PLA2G2E: variants seen among roughly 807,000 people sequenced by gnomAD.
PLA2G2E encodes group IIE secretory phospholipase A2.
Under a neutral mutation model 16.5 loss-of-function variants are expected in PLA2G2E, and 14 were observed. The ratio of observed to expected loss-of-function variants is 0.85; its 90% CI spans 0.56 to 1.33. PLA2G2E has a LOEUF of 1.33. Ranked by LOEUF, PLA2G2E falls within the 40% of genes most tolerant of loss-of-function variation. PLA2G2E has a pLI of 0.00. For missense variants in PLA2G2E, 174 were observed against 190.7 expected (o/e 0.91, Z 0.52); for synonymous variants, 72 against 77.2 (o/e 0.93, Z 0.36).
chr1:19,922,646 G>T lies in PLA2G2E; in HGVS notation c.150C>A (p.Gly50=), dbSNP rs1202542590. 1.9e-6 allele frequency: 3 copies of T among 1,614,052 alleles called. No homozygotes were observed. Among genetic ancestry groups the T allele is most frequent in the Non-Finnish European group, 1.7e-6 (2 of 1,179,986 alleles). ...NDYGCYCGIG[G]SHWPVDQTDW... is the part of the protein sequence containing the mutation. ...CAGTCTGGTCCACCGGCCAGTGGGA[G>T]CCACCGATGCCGCAGTAACAGCCAT... Residue 50 remains glycine (G), a synonymous_variant, in exon 2 of 4, where the codon GGC becomes GGA. Transcript: ENST00000375116.
intron 1 of PLA2G2E, 76 bp from the exon 2 acceptor site, chr1:19,922,831 T>G: frequency 1.3e-6 from 2 of 1,549,050 alleles, no homozygotes; most frequent in Non-Finnish European, 1.8e-6. Flanking sequence ...TCCCCTCAAA[T>G]CTGATCACAG....
At chr1:19,923,452 C>T (rs2045835064) in intron 1 of PLA2G2E, 68 bp downstream of exon 1, 10 of 1,368,258 alleles carry the variant, frequency 7.3e-6, no homozygotes, top group African/African-American at 2.9e-5. Flanking sequence ...GGGCCAGGCT[C>T]AGGGGCATCC....
chr1:19,921,700 C>T (rs1383650386), intron 3 of PLA2G2E, among the ~76,000 whole-genome samples: 3 of 152,242 alleles, frequency 2.0e-5, no homozygotes, highest in Non-Finnish European at 2.9e-5. Context: ...TCAGGCTGCT[C>T]CTGGCTTTGT....
Position 19,922,832 on chromosome 1 carries a change from C to A in PLA2G2E, c.41-77G>T, listed in dbSNP as rs2045827352. ...AACTTCCCCTGATGTCCCCTCAAAT[C>A]TGATCACAGGCATCTCTCCAGTTGT... is the stretch of plus-strand genomic sequence containing the variant. On this transcript the variant is annotated intron_variant, in intron 1 of 3. Coordinates refer to ENST00000375116, the MANE Select transcript of PLA2G2E (RefSeq NM_014589.3). 2.6e-6 allele frequency: 4 copies of A among 1,543,162 alleles called. No homozygotes were observed. The Middle Eastern group carries it at 6.9e-4, about 265-fold the overall frequency.
intron 1 of PLA2G2E, 130 bp downstream of exon 1, chr1:19,923,390 G>C (rs1557689023): frequency 1.0e-5 from 8 of 776,250 alleles, no homozygotes; most frequent in Non-Finnish European, 1.2e-5. Context: ...GGTCACCCTG[G>C]TGGCAGGAAG....
Position 19,923,497 on chromosome 1 carries a change from T to C in PLA2G2E, c.40+23A>G, listed in dbSNP as rs113386044. Reference sequence around the variant, plus strand: ...GGGGTTGCCAGATGGGGCAGAAGGCTGAAGGTCACAAAGATCACTTACCCA... The same window carrying C: ...GGGGTTGCCAGATGGGGCAGAAGGCCGAAGGTCACAAAGATCACTTACCCA... On this transcript the variant is annotated intron_variant, in intron 1 of 3. Coordinates refer to ENST00000375116, the MANE Select transcript of PLA2G2E (RefSeq NM_014589.3). 421 of 1,544,814 alleles carry C rather than the reference T, an allele frequency of 2.7e-4. 2 individuals are homozygous for C. In the African/African-American group the frequency reaches 4.8e-3, roughly 18 times the overall value.
In PLA2G2E at chr1:19,922,737, T is replaced by C. The variant is rs1397149890; in HGVS notation, c.59A>G (p.Asn20Ser). Residue 20 changes from asparagine to serine, a missense_variant, in exon 2 of 4, where the codon AAC becomes AGC. Coordinates refer to ENST00000375116, the MANE Select transcript of PLA2G2E (RefSeq NM_014589.3). ...GATCATCACCCCAAACTGAACCAGG[T>C]TCCCGGTGACCAGAGCCACTGCAGA... ...LCLLVALVTG[N>S]LVQFGVMIEK... is the part of the protein sequence containing the mutation. The C allele has an allele frequency of 6.2e-7, 1 of 1,613,534 alleles. No homozygotes were observed. Among genetic ancestry groups the C allele is most frequent in the Admixed American group, 1.7e-5 (1 of 59,980 alleles).
At chr1:19,922,013 A>G (rs775497874) in intron 3 of PLA2G2E, among the ~76,000 whole-genome samples, 13 of 152,046 alleles carry the variant, frequency 8.6e-5, no homozygotes, top group Non-Finnish European at 1.8e-4. Flanking sequence ...CTCAGCTCAG[A>G]CCCCTCTGCT....
In PLA2G2E at chr1:19,922,769, G is replaced by C; in HGVS notation, c.41-14C>G. 1.2e-6 allele frequency: 2 copies of C among 1,612,614 alleles called. No homozygotes were observed. The highest frequency in any genetic ancestry group is 1.7e-6 in the Non-Finnish European group (2 of 1,179,570). On this transcript the variant is annotated splice_polypyrimidine_tract_variant and intron_variant, in intron 1 of 3. Coordinates refer to ENST00000375116, the MANE Select transcript of PLA2G2E (RefSeq NM_014589.3). Reference sequence around the variant, plus strand: ...TGACCAGAGCCACTGCAGAGAGGGAGAGGGAGAGGGAGAGGGAGGGCCCCA... The same window carrying C: ...TGACCAGAGCCACTGCAGAGAGGGACAGGGAGAGGGAGAGGGAGGGCCCCA...
rs886992139 is a variant in PLA2G2E at position 19,923,538 on chromosome 1, C to T, written c.22G>A (p.Val8Met). Residue 8 changes from valine (V) to methionine (M), a missense_variant, in exon 1 of 4, where the codon GTG becomes ATG. Val to Met is a conservative substitution (Grantham distance 21, BLOSUM62 1). Transcript: ENST00000375116. Reference sequence around the variant, plus strand: ...CACTTACCCAGGAGGCAAAGGAACACCAGCACGTGGGGAGATTTCATCCCA... The same window carrying T: ...CACTTACCCAGGAGGCAAAGGAACATCAGCACGTGGGGAGATTTCATCCCA... MKSPHVL[V>M]FLCLLVALVT... is the part of the protein sequence containing the mutation. 1.3e-6 allele frequency: 2 copies of T among 1,550,634 alleles called. No homozygotes were observed. Among genetic ancestry groups the T allele is most frequent in the South Asian group, 2.4e-5 (2 of 83,520 alleles).
chr1:19,920,380 T>C lies in PLA2G2E; in HGVS notation c.356A>G (p.Asn119Ser). 2 of 1,613,846 alleles carry C rather than the reference T, an allele frequency of 1.2e-6. No individual in the cohort carries two copies. The highest frequency in any genetic ancestry group is 4.5e-5 in the East Asian group (2 of 44,878). Residue 119 changes from asparagine (N) to serine (S), a missense_variant, in exon 4 of 4, where the codon AAC (asparagine) becomes AGC (serine). Coordinates refer to ENST00000375116, the MANE Select transcript of PLA2G2E (RefSeq NM_014589.3). This position sits in a 1 kb window ranked among gnomAD's most constrained non-coding sequence, Gnocchi z 4.3. ...ATATTTGCGGTTGTAGGTGCCCAGG[T>C]TGCGGCGAAAGCAGAGGGCAGCCCT... is the stretch of plus-strand genomic sequence containing the variant. The part of the protein sequence containing the change: ...DKRAALCFRR[N>S]LGTYNRKYAH...
rs1483064444 is a variant in PLA2G2E at position 19,922,651 on chromosome 1, C to T, written c.145G>A (p.Gly49Ser). 1.9e-5 allele frequency: 31 copies of T among 1,613,914 alleles called. No homozygotes were observed. The highest frequency in any genetic ancestry group is 3.3e-4 in the Middle Eastern group (2 of 6,080). ...YNDYGCYCGI[G>S]GSHWPVDQTD... ...TGGTCCACCGGCCAGTGGGAGCCAC[C>T]GATGCCGCAGTAACAGCCATAGTCG... Residue 49 changes from glycine to serine, a missense_variant, in exon 2 of 4, where the codon GGT becomes AGT. By Grantham distance (56) the Gly-to-Ser change is moderately conservative. Transcript: ENST00000375116.
Position 19,922,602 on chromosome 1 carries a change from A to G in PLA2G2E, c.179+15T>C, listed in dbSNP as rs746497790. The G allele has an allele frequency of 1.2e-6, 2 of 1,613,562 alleles. No homozygotes were observed. The highest frequency in any genetic ancestry group is 2.2e-5 in the East Asian group (1 of 44,860). On this transcript the variant is annotated intron_variant, in intron 2 of 3. Coordinates refer to ENST00000375116, the MANE Select transcript of PLA2G2E (RefSeq NM_014589.3). ...TCCATCCCCATGGAGGTCCCCCTGC[A>G]GGCTGCTTCCTCACCAGTCAGTCTG...
chr1:19,920,102 T>C lies in PLA2G2E; in HGVS notation c.*205A>G. 1 of 560,330 alleles carries C rather than the reference T, an allele frequency of 1.8e-6. No homozygotes were observed. The highest frequency in any genetic ancestry group is 3.2e-6 in the Non-Finnish European group (1 of 316,752). The allele number at this position is 560,330 out of a possible 1,614,324, so 34.7% of individuals were successfully genotyped here. A position where few individuals can be genotyped will look rare whatever the true frequency, so the allele number is the denominator to read the frequency against. Reference sequence around the variant, plus strand: ...TGGGTGCTGAAGGGTCCATGGCTCCTGGGGCAGGGTTCTTTCTACAGAGAA... The same window carrying C: ...TGGGTGCTGAAGGGTCCATGGCTCCCGGGGCAGGGTTCTTTCTACAGAGAA... On this transcript the variant is annotated 3_prime_UTR_variant, in exon 4 of 4. Coordinates refer to ENST00000375116, the MANE Select transcript of PLA2G2E (RefSeq NM_014589.3). This position sits in a 1 kb window ranked among gnomAD's most constrained non-coding sequence, Gnocchi z 4.3.
At chr1:19,923,442 G>C in intron 1 of PLA2G2E, 78 bp downstream of exon 1, 2 of 1,266,794 alleles carry the variant, frequency 1.6e-6, no homozygotes, top group Non-Finnish European at 2.2e-6. Flanking sequence ...ACCCTCGGTA[G>C]GGCCAGGCTC....
At chr1:19,921,204 C>T (rs1014579580) in intron 3 of PLA2G2E, among the ~76,000 whole-genome samples, 2 of 152,258 alleles carry the variant, frequency 1.3e-5, no homozygotes, top group Non-Finnish European at 1.5e-5. Flanking sequence ...GAGCCTTCGT[C>T]TCCCGTCAGG....
In PLA2G2E at chr1:19,920,316, C is replaced by T. The variant is rs1044778609; in HGVS notation, c.420G>A (p.Pro140=). 9 of 1,611,844 alleles carry T rather than the reference C, an allele frequency of 5.6e-6. No homozygotes were observed. Among genetic ancestry groups the T allele is most frequent in the Admixed American group, 3.3e-5 (2 of 59,998 alleles). The change falls in exon 4 of 4, where the codon CCG becomes CCA. Residue 140 remains proline (P), a synonymous_variant. Coordinates refer to ENST00000375116, the MANE Select transcript of PLA2G2E (RefSeq NM_014589.3). The surrounding 1 kb of genome is among the most constrained non-coding windows in gnomAD (Gnocchi z 4.3). ...YPNKLCTGPT[P]PC is the part of the protein sequence containing the mutation. The stretch of plus-strand genomic sequence containing the variant: ...GAGGCCGAGCATAGCCTCAGCAGGG[C>T]GGGGTGGGCCCGGTGCACAGCTTGT...
intron 1 of PLA2G2E, 37 bp downstream of exon 1, chr1:19,923,483 A>T: frequency 6.5e-7 from 1 of 1,535,176 alleles, no homozygotes; most frequent in Non-Finnish European, 8.8e-7. Flanking sequence ...GGGTTGCCAG[A>T]TGGGGCAGAA....
At chr1:19,922,933 C>T (rs2045829254) in intron 1 of PLA2G2E, among the ~76,000 whole-genome samples, 178 bp from the exon 2 acceptor site, 1 of 152,164 alleles carries the variant, frequency 6.6e-6, no homozygotes, top group Non-Finnish European at 1.5e-5. Context: ...TTGCCAGTGA[C>T]ATCCGTTGCA....
Sources: gnomAD v4.1 joint callset for allele counts (sites outside exome capture counted in the v4.1 genomes callset) on GRCh38, gnomAD v4.1.1 for gene constraint, Gnocchi (gnomAD v3.1) non-coding constraint, MANE v1.5 for transcripts, NCBI Gene and HGNC (gene_info 2026-07-23, HGNC 2026-07-21) for gene names.